Variants in CTSC observed in about 807,000 individuals in gnomAD.
CTSC encodes cathepsin C.
Under a neutral mutation model 40.9 loss-of-function variants are expected in CTSC, and 37 were observed. That is an observed-to-expected ratio of 0.91 (90% CI 0.70 to 1.19). CTSC has a LOEUF of 1.19. Among genes scored for constraint, CTSC ranks in the 50% most tolerant of loss-of-function variants. The pLI is 0.00. For missense variants in CTSC, 594 were observed against 567.3 expected, an observed-to-expected ratio of 1.05 and a Z score of -0.48; for synonymous variants, 232 against 207.4, an observed-to-expected ratio of 1.12 and a Z score of -1.02.
At chr11:88,307,415 T>C (rs1937658913) in intron 4 of CTSC, among the ~76,000 whole-genome samples, 1 of 152,188 alleles carries the variant, frequency 6.6e-6, no homozygotes, top group Non-Finnish European at 1.5e-5. Flanking sequence ...AATAATTTTT[T>C]TTTAAATTAT....
At chr11:88,334,736 C>T (rs1938444058) in intron 2 of CTSC, 2 of 561,010 alleles carry the variant, frequency 3.6e-6, no homozygotes, top group Admixed American at 6.7e-5. Flanking sequence ...AAATGTAGCA[C>T]TGGTATTTTG....
At chr11:88,318,465 G>A (rs1937926055) in intron 2 of CTSC, among the ~76,000 whole-genome samples, 1 of 152,192 alleles carries the variant, frequency 6.6e-6, no homozygotes, top group East Asian at 1.9e-4. Context: ...TACCATGAAG[G>A]ATACTTCATC....
intron 2 of CTSC, among the ~76,000 whole-genome samples, chr11:88,330,117 G>T (rs577639010): frequency 6.6e-6 from 1 of 152,222 alleles, no homozygotes; most frequent in African/African-American, 2.4e-5. Context: ...AAACTGGCCT[G>T]TAGATAGTAT....
At chr11:88,309,726 A>G (rs1937705942) in intron 3 of CTSC, among the ~76,000 whole-genome samples, 1 of 151,930 alleles carries the variant, frequency 6.6e-6, no homozygotes, top group African/African-American at 2.4e-5. Context: ...CATAATCATA[A>G]TCAATTTATC....
At position 88,300,661 on chromosome 11, in the gene CTSC, A is replaced by G. The variant is rs772096591; in HGVS notation, c.642-16T>C. ...AGGTTTGGGCCTAGAAAGGAAATAT[A>G]CATTTGATATCAACATATAATCTTT... On this transcript the variant is annotated splice_polypyrimidine_tract_variant and intron_variant, in intron 4 of 6. Transcript: ENST00000227266. 1 of 1,396,888 alleles carries G rather than the reference A, an allele frequency of 7.2e-7. No individual in the cohort carries two copies. The highest frequency in any genetic ancestry group is 1.2e-5 in the South Asian group (1 of 86,560). The allele number at this position is 1,396,888 out of a possible 1,614,324, so 86.5% of individuals were successfully genotyped here. A position where few individuals can be genotyped will look rare whatever the true frequency, so the allele number is the denominator to read the frequency against.
rs745390377 is a variant in CTSC at position 88,294,498 on chromosome 11, G to A, written c.900C>T (p.Gly300=). The A allele has an allele frequency of 1.1e-5, 18 of 1,614,076 alleles. No individual in the cohort carries two copies. Among genetic ancestry groups the A allele is most frequent in the Admixed American group, 3.3e-5 (2 of 59,986 alleles). Reference sequence around the variant, plus strand: ...TTCCTGCAATAAGGTATGGGAAGCCGCCTTCACAGCCTGAAGATGAATAAC... The same window carrying A: ...TTCCTGCAATAAGGTATGGGAAGCCACCTTCACAGCCTGAAGATGAATAAC... ...SCSQYAQGCE[G]GFPYLIAGKY... The change falls in exon 7 of 7, where the codon GGC becomes GGT. Residue 300 remains glycine (G), a synonymous_variant. Transcript: ENST00000227266.
At chr11:88,326,557 T>G (rs1938195988) in intron 2 of CTSC, 1 of 731,816 alleles carries the variant, frequency 1.4e-6, no homozygotes. Flanking sequence ...GCACTGATAT[T>G]TGAGATCCTG....
intron 2 of CTSC, chr11:88,321,038 C>T (rs1937993856): frequency 1.0e-6 from 1 of 985,206 alleles, no homozygotes; most frequent in African/African-American, 1.7e-5. Context: ...TTTGTACTCA[C>T]TGAATCTTCT....
intron 1 of CTSC, among the ~76,000 whole-genome samples, chr11:88,335,843 G>T (rs1256675422): frequency 6.6e-6 from 1 of 152,160 alleles, no homozygotes; most frequent in East Asian, 1.9e-4. Context: ...CTAAGCCCAG[G>T]AGAAGACACA....
intron 2 of CTSC, among the ~76,000 whole-genome samples, chr11:88,319,988 G>A (rs1412433820): frequency 6.6e-6 from 1 of 152,142 alleles, no homozygotes; most frequent in Non-Finnish European, 1.5e-5. Flanking sequence ...CTGTCAGAAA[G>A]GAACCAGGCA....
At chr11:88,303,979 C>T (rs1309767769) in intron 4 of CTSC, among the ~76,000 whole-genome samples, 3 of 150,934 alleles carry the variant, frequency 2.0e-5, no homozygotes, top group Admixed American at 6.7e-5. Flanking sequence ...TGTGCCCCAA[C>T]GTTAAAAGAT....
intron 5 of CTSC, chr11:88,299,486 T>A (rs544511156): frequency 6.6e-6 from 1 of 152,162 alleles, no homozygotes; most frequent in Non-Finnish European, 1.5e-5. Context: ...TGGTGTCAGA[T>A]GAAAAACAGA....
At chr11:88,311,237 T>C (rs973364287) in intron 3 of CTSC, among the ~76,000 whole-genome samples, 2 of 152,208 alleles carry the variant, frequency 1.3e-5, no homozygotes, top group African/African-American at 4.8e-5. Context: ...GGGTACAAAG[T>C]AAACAAGTTA....
At chr11:88,336,146 T>C (rs927298933) in intron 1 of CTSC, among the ~76,000 whole-genome samples, 1 of 151,594 alleles carries the variant, frequency 6.6e-6, no homozygotes, top group African/African-American at 2.4e-5. Context: ...AGTTTTTCCA[T>C]GTTTGAGAGT....
chr11:88,328,684 G>C (rs1190768561), intron 2 of CTSC, among the ~76,000 whole-genome samples: 1 of 152,140 alleles, frequency 6.6e-6, no homozygotes, highest in African/African-American at 2.4e-5. Context: ...CTGAAATGCA[G>C]TGGCACAATG....
At position 88,329,455 on chromosome 11, in the gene CTSC, C is replaced by CAAAAA. The variant is rs34568364; in HGVS notation, c.318+5477_318+5481dup. 2.2e-4 allele frequency among the ~76,000 whole-genome samples: 15 copies of CAAAAA among 67,880 alleles called. 1 individual carries two copies. The highest frequency in any genetic ancestry group is 8.5e-4 in the African/African-American group (15 of 17,692). The allele number at this position is 67,880 out of a possible 152,430, so 44.5% of individuals were successfully genotyped here. ...TGGGAGACAGAGCTAGACTCCATTT[C>CAAAAA]AAAAAAAAAAAAAAAAAAAAAAAAA... On this transcript the variant is annotated intron_variant, in intron 2 of 6. Transcript: ENST00000227266.
At position 88,326,650 on chromosome 11, in the gene CTSC, C is replaced by G. The variant is rs566488118; in HGVS notation, c.318+8287G>C. On this transcript the variant is annotated intron_variant, in intron 2 of 6. Transcript: ENST00000227266. ...GCTTAAGCAACATGTACTGCACATG[C>G]AACCAACATGCTTTAGAAGCACATG... is the stretch of plus-strand genomic sequence containing the variant. 2.0e-5 allele frequency among the ~76,000 whole-genome samples: 3 copies of G among 152,232 alleles called. No homozygotes were observed. In the South Asian group the frequency reaches 6.2e-4, roughly 32 times the overall value.
At chr11:88,325,214 T>C (rs1938148414) in intron 2 of CTSC, 6 of 985,096 alleles carry the variant, frequency 6.1e-6, no homozygotes, top group Non-Finnish European at 7.2e-6. Flanking sequence ...TGACACTTAG[T>C]TTGTACTTAA....
At chr11:88,317,482 A>G (rs920473136) in intron 2 of CTSC, among the ~76,000 whole-genome samples, 4 of 152,188 alleles carry the variant, frequency 2.6e-5, no homozygotes, top group African/African-American at 9.7e-5. Context: ...TTATTCTGTA[A>G]AAGTACAGAG....
Sources: gnomAD v4.1 joint callset for allele counts (sites outside exome capture counted in the v4.1 genomes callset) on GRCh38, gnomAD v4.1.1 for gene constraint, MANE v1.5 for transcripts, NCBI Gene and HGNC (gene_info 2026-07-23, HGNC 2026-07-21) for gene names.